Variants in PRKG1 observed in about 807,000 individuals in gnomAD.
PRKG1 encodes protein kinase cGMP-dependent 1.
A neutral mutation model predicts 88.1 loss-of-function variants in PRKG1; 35 were observed. That is an observed-to-expected ratio of 0.40 (90% CI 0.30 to 0.53). The LOEUF (loss-of-function observed/expected upper bound fraction) is 0.53. PRKG1 is among the 20% of genes least tolerant of loss of function. The pLI is 0.59. For synonymous variants in PRKG1, 303 were observed against 292.5 expected, an observed-to-expected ratio of 1.04 and a Z score of -0.37; for missense variants, 540 against 839.8, an observed-to-expected ratio of 0.64 and a Z score of 4.41.
At chr10:51,205,122 C>CTTTTCTTTCTTTTTTTTTTTTTT (rs1838013921) in intron 2 of PRKG1, among the ~76,000 whole-genome samples, 1 of 34,934 alleles carries the variant, frequency 2.9e-5, no homozygotes, top group Non-Finnish European at 6.0e-5. Context: ...TTTTCATTTT[C>CTTTTCTTTCTTTTTTTTTTTTTT]TTTTCTTTTT....
At chr10:51,606,277 C>T (rs1044320785) in intron 3 of PRKG1, among the ~76,000 whole-genome samples, 37 of 152,262 alleles carry the variant, frequency 2.4e-4, no homozygotes, top group African/African-American at 8.7e-4. Flanking sequence ...TACATAAAGA[C>T]AACCTATGGA....
chr10:52,139,838 A>G (rs1476938291), intron 8 of PRKG1, among the ~76,000 whole-genome samples: 1 of 152,074 alleles, frequency 6.6e-6, no homozygotes, highest in Non-Finnish European at 1.5e-5. Context: ...TTATAGAACT[A>G]CATGACTCGG....
intron 3 of PRKG1, among the ~76,000 whole-genome samples, chr10:51,502,284 G>A (rs1225934704): frequency 1.3e-5 from 2 of 152,044 alleles, no homozygotes; most frequent in Non-Finnish European, 2.9e-5. Flanking sequence ...GGGGCACTCA[G>A]AATAATCCTA....
chr10:51,034,671 T>TATATAC (rs1843330466), intron 1 of PRKG1, among the ~76,000 whole-genome samples: 1 of 44,422 alleles, frequency 2.3e-5, no homozygotes, highest in Admixed American at 2.1e-4. Context: ...ATGTTATTTA[T>TATATAC]ATATATATAT....
chr10:51,446,207 C>T (rs76866600), intron 2 of PRKG1, among the ~76,000 whole-genome samples: 2,158 of 151,970 alleles, frequency 0.014, 23 homozygotes, highest in Non-Finnish European at 0.018. Flanking sequence ...AGTGTAATGA[C>T]GTACATCCTA....
At chr10:51,878,997 T>C (rs1841370843) in intron 4 of PRKG1, among the ~76,000 whole-genome samples, 1 of 152,202 alleles carries the variant, frequency 6.6e-6, no homozygotes, top group Admixed American at 6.5e-5. Flanking sequence ...TACTGACCTA[T>C]CTATAACTGT....
chr10:51,517,576 T>G (rs930006258), intron 3 of PRKG1, among the ~76,000 whole-genome samples: 3 of 152,244 alleles, frequency 2.0e-5, no homozygotes, highest in African/African-American at 7.2e-5. Flanking sequence ...GCATTGACAT[T>G]TTCCATCTTC....
At chr10:52,071,234 C>T (rs1427520178) in intron 7 of PRKG1, among the ~76,000 whole-genome samples, 1 of 152,010 alleles carries the variant, frequency 6.6e-6, no homozygotes, top group Non-Finnish European at 1.5e-5. Flanking sequence ...TTCTAATACT[C>T]CCATGGCCCA....
At chr10:51,782,156 CTT>C (rs1276499839) in intron 3 of PRKG1, among the ~76,000 whole-genome samples, 1 of 152,052 alleles carries the variant, frequency 6.6e-6, no homozygotes, top group African/African-American at 2.4e-5. Flanking sequence ...ACTTTAAGCA[CTT>C]TTAAAGAATA....
At chr10:52,172,077 C>T (rs1482457526) in intron 9 of PRKG1, among the ~76,000 whole-genome samples, 1 of 152,104 alleles carries the variant, frequency 6.6e-6, no homozygotes, top group African/African-American at 2.4e-5. Context: ...GCTGGGATTA[C>T]AGGCGTGAGC....
At chr10:51,515,011 C>A (rs1436037051) in intron 3 of PRKG1, among the ~76,000 whole-genome samples, 1 of 152,080 alleles carries the variant, frequency 6.6e-6, no homozygotes, top group Non-Finnish European at 1.5e-5. Context: ...TATCCTTCCC[C>A]CAGTTGTGAC....
At chr10:51,581,128 G>A (rs186906799) in intron 3 of PRKG1, among the ~76,000 whole-genome samples, 80 of 152,204 alleles carry the variant, frequency 5.3e-4, no homozygotes, top group African/African-American at 1.8e-3. Context: ...TGACTATGAG[G>A]TGAGATGGTC....
chr10:50,996,927 G>A (rs77554694), intron 1 of PRKG1, among the ~76,000 whole-genome samples: 2,965 of 152,310 alleles, frequency 0.019, 50 homozygotes, highest in Middle Eastern at 0.071. Context: ...GATTTTAAGG[G>A]GAGGAAGGCT....
chr10:52,018,701 C>G (rs778445038), intron 5 of PRKG1, among the ~76,000 whole-genome samples: 3 of 152,142 alleles, frequency 2.0e-5, no homozygotes, highest in Non-Finnish European at 2.9e-5. Context: ...AATAATTGTA[C>G]CGAGCAGAGT....
intron 2 of PRKG1, among the ~76,000 whole-genome samples, chr10:51,384,891 A>G (rs1282224241): frequency 1.3e-5 from 2 of 152,240 alleles, no homozygotes; most frequent in Non-Finnish European, 2.9e-5. Context: ...AAAACAGTGC[A>G]CATAACTCTG....
intron 3 of PRKG1, among the ~76,000 whole-genome samples, chr10:51,628,122 CTCTT>C (rs11269617): frequency 0.025 from 2,909 of 116,832 alleles, 77 homozygotes; most frequent in African/African-American, 0.063. Flanking sequence ...TTCTTTATTT[CTCTT>C]TCTTTCTTTC....
intron 3 of PRKG1, among the ~76,000 whole-genome samples, chr10:51,551,601 A>G (rs1325597471): frequency 2.0e-5 from 3 of 151,908 alleles, no homozygotes; most frequent in East Asian, 1.9e-4. Context: ...TATTCACTAA[A>G]TGCTTTGAGA....
In PRKG1 at chr10:52,243,441, TA is replaced by T. The variant is rs201369416; in HGVS notation, c.1077-8121del. 5.6e-3 allele frequency among the ~76,000 whole-genome samples: 846 copies of T among 151,990 alleles called. 7 individuals carry two copies. Among genetic ancestry groups the T allele is most frequent in the African/African-American group, 0.019 (803 of 41,480 alleles). On this transcript the variant is annotated intron_variant, in intron 9 of 17. Coordinates refer to ENST00000373980, the MANE Select transcript of PRKG1 (RefSeq NM_006258.4). ...ACATCTCCAGATTAGTTCCTTTATT[TA>T]AAAAAAAGCAATGTGGAGGTTAAAC...
chr10:51,644,277 T>C (rs537680788), intron 3 of PRKG1, among the ~76,000 whole-genome samples: 4 of 152,342 alleles, frequency 2.6e-5, no homozygotes, highest in Non-Finnish European at 2.9e-5. Context: ...GTTTTTGTTC[T>C]TGTTTTTTAT....
Sources: gnomAD v4.1 joint callset for allele counts (sites outside exome capture counted in the v4.1 genomes callset) on GRCh38, gnomAD v4.1.1 for gene constraint, MANE v1.5 for transcripts, NCBI Gene and HGNC (gene_info 2026-07-23, HGNC 2026-07-21) for gene names.